The following PLIN1 variants were observed in gnomAD, a reference collection of about 807,000 sequenced individuals.
PLIN1 encodes the protein perilipin 1, also known as perilipin-1.
In PLIN1, 37 loss-of-function variants were observed where a neutral mutation model predicts 45.8. That is an observed-to-expected ratio of 0.81 (90% confidence interval 0.62 to 1.06). The LOEUF (loss-of-function observed/expected upper bound fraction) is 1.06, where lower values mean the gene tolerates loss of function less well. Ranked by LOEUF, PLIN1 falls within the 50% of genes least tolerant of loss-of-function variation. PLIN1 has a pLI of 0.00. For synonymous variants in PLIN1, 340 were observed against 309.2 expected, an observed-to-expected ratio of 1.10 and a Z score of -1.05; for missense variants, 776 against 716.5, an observed-to-expected ratio of 1.08 and a Z score of -0.95.
At chr15:89,666,564 G>A (rs1964343819) in intron 8 of PLIN1, among the ~76,000 whole-genome samples, 1 of 152,124 alleles carries the variant, frequency 6.6e-6, no homozygotes, top group African/African-American at 2.4e-5. Context: ...CACCCCTCAG[G>A]GTGCCCTGGA....
chr15:89,675,842 AGAGCCAG>A (rs1391113316), intron 2 of PLIN1, among the ~76,000 whole-genome samples: 2 of 152,200 alleles, frequency 1.3e-5, no homozygotes, highest in Non-Finnish European at 2.9e-5. Context: ...GATAAGTGGC[AGAGCCAG>A]GATTCCAACA....
intron 4 of PLIN1, among the ~76,000 whole-genome samples, chr15:89,671,029 C>T (rs1336500385): frequency 1.3e-5 from 2 of 152,142 alleles, no homozygotes; most frequent in Non-Finnish European, 2.9e-5. Flanking sequence ...ATAGCAACTA[C>T]CCAATAAATA....
At chr15:89,670,935 G>T (rs771305354) in intron 4 of PLIN1, among the ~76,000 whole-genome samples, 8 of 152,194 alleles carry the variant, frequency 5.3e-5, no homozygotes, top group Non-Finnish European at 1.0e-4. Context: ...CTGTTTGTGG[G>T]AAGGGTAGAT....
At position 89,667,592 on chromosome 15, in the gene PLIN1, T is replaced by TC. The variant is rs776400154; in HGVS notation, c.963+9dup. On this transcript the variant is annotated intron_variant, in intron 7 of 8. Transcript: ENST00000300055. ...CTGGGGGACCTTGAGGCTCCCACTC[T>TC]CCCCCTCACCTCACTGAACTTGTTC... 14 of 1,614,044 alleles carry TC rather than the reference T, an allele frequency of 8.7e-6. No homozygotes were observed. Among genetic ancestry groups the TC allele is most frequent in the Non-Finnish European group, 1.1e-5 (13 of 1,179,908 alleles).
rs1303448636 is a variant in PLIN1 at position 89,669,606 on chromosome 15, A to T, written c.665T>A (p.Val222Asp). 6.2e-7 allele frequency: 1 copy of T among 1,613,952 alleles called. No individual in the cohort carries two copies. The highest frequency in any genetic ancestry group is 1.1e-5 in the South Asian group (1 of 91,076). The stretch of plus-strand genomic sequence containing the variant: ...AGAGAGGGTGTTGGTCAGAGCCCCA[A>T]CCCTGCTCAAGAGGCTTGGCTTGGC... ...PKAKPSLLSRVGALTNTLSRY... is the reference protein window; with the variant it reads ...PKAKPSLLSRDGALTNTLSRY... Residue 222 changes from valine (V) to aspartate (D), a missense_variant, in exon 6 of 9, where the codon GTT becomes GAT. By Grantham distance (152) the Val-to-Asp change is radical (BLOSUM62 -3). Transcript: ENST00000300055.
intron 5 of PLIN1, 90 bp downstream of exon 5, chr15:89,669,890 G>A: frequency 1.5e-6 from 2 of 1,364,510 alleles, no homozygotes; most frequent in South Asian, 2.5e-5. Flanking sequence ...CCCTATTCCA[G>A]AGCAGTGGCT....
chr15:89,665,942 GC>G lies in PLIN1; in HGVS notation c.1210-1del, dbSNP rs1964333023. 1.3e-6 allele frequency: 2 copies of G among 1,502,544 alleles called. No homozygotes were observed. The highest frequency in any genetic ancestry group is 1.8e-6 in the Non-Finnish European group (2 of 1,129,916). 93.1% of individuals were successfully genotyped at this position (1,502,544 alleles called of 1,614,324 possible). Reference sequence around the variant, plus strand: ...GGCTCCATCAGCGACAGCCTGGGGAGCTGAGGGCCCGGCAGCCGCCTTAGAG... The same window carrying G: ...GGCTCCATCAGCGACAGCCTGGGGAGTGAGGGCCCGGCAGCCGCCTTAGAG... On this transcript the variant is annotated splice_acceptor_variant, in intron 8 of 8. Coordinates refer to ENST00000300055, the MANE Select transcript of PLIN1 (RefSeq NM_002666.5). LOFTEE classifies it high-confidence loss of function.
intron 1 of PLIN1, among the ~76,000 whole-genome samples, chr15:89,678,129 G>C (rs1170795228): frequency 6.6e-6 from 1 of 151,874 alleles, no homozygotes; most frequent in African/African-American, 2.4e-5. Context: ...CTGGCCTCAA[G>C]TGATCTGCCC....
intron 4 of PLIN1, among the ~76,000 whole-genome samples, chr15:89,671,262 C>T (rs997379322): frequency 2.0e-5 from 3 of 152,162 alleles, no homozygotes; most frequent in Admixed American, 6.5e-5. Context: ...CCTCTGGGCT[C>T]GTGCCTGCTG....
chr15:89,672,130 G>A (rs945564437), intron 3 of PLIN1, among the ~76,000 whole-genome samples: 1 of 152,150 alleles, frequency 6.6e-6, no homozygotes, highest in Non-Finnish European at 1.5e-5. Context: ...GCAGGCCCCA[G>A]GCCGTCCATG....
intron 4 of PLIN1, among the ~76,000 whole-genome samples, chr15:89,670,709 CT>C (rs1964426799): frequency 1.3e-5 from 2 of 152,158 alleles, no homozygotes; most frequent in African/African-American, 4.8e-5. Flanking sequence ...TGCCTTTTAT[CT>C]GGAAAAATGG....
intron 2 of PLIN1, among the ~76,000 whole-genome samples, chr15:89,675,380 G>A (rs917727345): frequency 1.1e-4 from 16 of 148,660 alleles, no homozygotes; most frequent in African/African-American, 4.0e-4. Context: ...GCTGAGGCGG[G>A]AGGATCATTT....
chr15:89,665,775 C>A lies in PLIN1; in HGVS notation c.1377G>T (p.Ala459=). The A allele has an allele frequency of 7.9e-7, 1 of 1,262,516 alleles. No homozygotes were observed. Among genetic ancestry groups the A allele is most frequent in the African/African-American group, 1.6e-5 (1 of 63,770 alleles). 78.2% of individuals were successfully genotyped at this position (1,262,516 alleles called of 1,614,324 possible). The change falls in exon 9 of 9, where the codon GCG becomes GCT. Residue 459 remains alanine, a synonymous_variant. Coordinates refer to ENST00000300055, the MANE Select transcript of PLIN1 (RefSeq NM_002666.5). ...LAQPRRSLRS[A]QSPGAPPGPG... Reference sequence around the variant, plus strand: ...GGCCGGGGGGCGCGCCGGGGCTCTGCGCGCTGCGCAGGCTGCGGCGGGGCT... The same window carrying A: ...GGCCGGGGGGCGCGCCGGGGCTCTGAGCGCTGCGCAGGCTGCGGCGGGGCT...
At chr15:89,676,783 CA>C (rs1438005010) in intron 2 of PLIN1, 1 of 153,786 alleles carries the variant, frequency 6.5e-6, no homozygotes, top group Non-Finnish European at 1.4e-5. Flanking sequence ...CAATACAAAA[CA>C]AAGTGATTCC....
At chr15:89,673,099 G>C in intron 3 of PLIN1, 111 bp downstream of exon 3, 1 of 811,792 alleles carries the variant, frequency 1.2e-6, no homozygotes, top group Middle Eastern at 3.4e-4. Flanking sequence ...GGGCAGTTAA[G>C]CAGACAGACA....
At chr15:89,677,650 A>G in intron 1 of PLIN1, 147 bp from the exon 2 acceptor site, 1 of 756,138 alleles carries the variant, frequency 1.3e-6, no homozygotes, top group Non-Finnish European at 2.4e-6. Flanking sequence ...TGGAGGGTGA[A>G]TATCACACAC....
chr15:89,666,925 G>T lies in PLIN1; in HGVS notation c.1209+11C>A, dbSNP rs764581818. On this transcript the variant is annotated intron_variant, in intron 8 of 8. Transcript: ENST00000300055. ...TTGGGACACTAACAGTTTGCCAGGG[G>T]TGGTACTCACCGGCACGTAATGCAC... The T allele has an allele frequency of 2.5e-6, 4 of 1,613,820 alleles. No homozygotes were observed. The highest frequency in any genetic ancestry group is 1.7e-4 in the Middle Eastern group (1 of 6,054).
At position 89,670,746 on chromosome 15, in the gene PLIN1, C is replaced by A. The variant is rs960457432; in HGVS notation, c.334-502G>T. On this transcript the variant is annotated intron_variant, in intron 4 of 8. Coordinates refer to ENST00000300055, the MANE Select transcript of PLIN1 (RefSeq NM_002666.5). ...GGAGCAAAGAGCACAGGTCTCACAG[C>A]TGAATAGACCTGCTCTCATTGTCCC... Among the ~76,000 whole-genome samples, 5 of 152,214 alleles carry A rather than the reference C, an allele frequency of 3.3e-5. No individual in the cohort carries two copies. In the East Asian group the frequency reaches 9.6e-4, roughly 29 times the overall value.
chr15:89,668,173 C>T (rs1964384123), intron 6 of PLIN1, among the ~76,000 whole-genome samples: 1 of 152,232 alleles, frequency 6.6e-6, no homozygotes, highest in African/African-American at 2.4e-5. Flanking sequence ...AGTGGAGTCA[C>T]ACCATGTGTA....
Sources: allele counts gnomAD v4.1 joint callset (sites outside exome capture counted in the v4.1 genomes callset), GRCh38; gene constraint gnomAD v4.1.1; transcripts MANE v1.5; gene names NCBI Gene and HGNC (gene_info 2026-07-23, HGNC 2026-07-21).